FOXP1: variants seen among roughly 807,000 people sequenced by gnomAD.
FOXP1 encodes forkhead box P1, also known as forkhead box protein P1.
FOXP1 carries 15 observed loss-of-function variants against 98.2 expected under a neutral mutation model. The observed-to-expected ratio is 0.15, with a 90% CI of 0.10 to 0.24. The LOEUF (loss-of-function observed/expected upper bound fraction) is 0.24, where lower values mean the gene tolerates loss of function less well. Among genes scored for constraint, FOXP1 ranks in the 10% least tolerant of loss-of-function variants. The pLI is 1.00. For synonymous variants in FOXP1, 371 were observed against 314.5 expected (o/e 1.18, Z -1.90); for missense variants, 633 against 848.5 (o/e 0.75, Z 3.15).
At chr3:71,542,129 C>A in intron 2 of FOXP1, 1 of 455,404 alleles carries the variant, frequency 2.2e-6, no homozygotes. Context: ...AAATAATTTA[C>A]AAAATGGCTC....
At chr3:70,963,906 A>G (rs189582845) in intron 20 of FOXP1, among the ~76,000 whole-genome samples, 12 of 152,356 alleles carry the variant, frequency 7.9e-5, no homozygotes, top group Admixed American at 7.8e-4. Context: ...AATATTAGCT[A>G]GGCCGCCTTC....
At chr3:71,523,833 C>T (rs921354740) in intron 2 of FOXP1, among the ~76,000 whole-genome samples, 1 of 152,108 alleles carries the variant, frequency 6.6e-6, no homozygotes, top group Non-Finnish European at 1.5e-5. Context: ...TTAACTCCTT[C>T]TCTCACCCCC....
chr3:71,240,688 C>T (rs1478238707), intron 5 of FOXP1, among the ~76,000 whole-genome samples: 2 of 151,558 alleles, frequency 1.3e-5, no homozygotes, highest in African/African-American at 2.4e-5. Flanking sequence ...ATTACAGGCG[C>T]GTGCCACCAT....
intron 5 of FOXP1, among the ~76,000 whole-genome samples, chr3:71,223,555 T>G (rs927529767): frequency 5.3e-5 from 8 of 151,394 alleles, no homozygotes; most frequent in Non-Finnish European, 7.4e-5. Flanking sequence ...ATTAGCCGAG[T>G]GTAATGGCAG....
intron 1 of FOXP1, chr3:71,582,617 T>C (rs1247863515): frequency 4.1e-6 from 4 of 984,642 alleles, no homozygotes; most frequent in Non-Finnish European, 4.8e-6. Flanking sequence ...CAGAGGGGGG[T>C]AAAATCAGAA....
At chr3:71,574,519 T>G (rs920573454) in intron 2 of FOXP1, 3 of 152,172 alleles carry the variant, frequency 2.0e-5, no homozygotes, top group Non-Finnish European at 2.9e-5. Context: ...GTTTCTTTAT[T>G]TGTGTGGCAT....
Position 70,959,189 on chromosome 3 carries a change from T to TC in FOXP1, c.*57_*58insG. On this transcript the variant is annotated 3_prime_UTR_variant, in exon 21 of 21. Transcript: ENST00000649528. ...ACAATTTCACTGCTAACTTTTGACG[T>TC]GTTTTTTTTTTTTTCCTTTTTCCAA... 6.8e-7 allele frequency: 1 copy of TC among 1,464,082 alleles called. No homozygotes were observed. The highest frequency in any genetic ancestry group is 2.4e-5 in the East Asian group (1 of 42,012). The allele number at this position is 1,464,082 out of a possible 1,614,324, so 90.7% of individuals were successfully genotyped here.
In FOXP1 at chr3:71,214,880, G is replaced by A. The variant is rs138507473; in HGVS notation, c.-11-16488C>T. 6.1e-3 allele frequency among the ~76,000 whole-genome samples: 927 copies of A among 152,276 alleles called. 13 individuals are homozygous for A. Among genetic ancestry groups the A allele is most frequent in the African/African-American group, 0.022 (894 of 41,552 alleles). ...GTACAAGGGATCTGTCTCATGACAAGGGTTTCCAATAGAACCACATATACC... is the reference window on the plus strand; with the variant it reads ...GTACAAGGGATCTGTCTCATGACAAAGGTTTCCAATAGAACCACATATACC... On this transcript the variant is annotated intron_variant, in intron 5 of 20. Transcript: ENST00000649528.
At chr3:71,441,169 T>A (rs758101167) in intron 3 of FOXP1, among the ~76,000 whole-genome samples, 2 of 152,178 alleles carry the variant, frequency 1.3e-5, no homozygotes, top group Non-Finnish European at 2.9e-5. Context: ...TAAGGGTAAA[T>A]AACTTTGCAA....
At chr3:71,199,573 A>G (rs1576347188) in intron 5 of FOXP1, among the ~76,000 whole-genome samples, 1 of 151,082 alleles carries the variant, frequency 6.6e-6, no homozygotes, top group African/African-American at 2.5e-5. Context: ...CTAACAGTAG[A>G]AAAAAAGAAA....
chr3:71,040,905 A>T (rs950342243), intron 11 of FOXP1, among the ~76,000 whole-genome samples: 2 of 152,194 alleles, frequency 1.3e-5, no homozygotes, highest in African/African-American at 4.8e-5. Context: ...CAAGGGGAGC[A>T]ATGTAGAGTA....
intron 20 of FOXP1, among the ~76,000 whole-genome samples, chr3:70,963,714 GGT>G (rs2034104865): frequency 1.3e-5 from 2 of 152,160 alleles, no homozygotes; most frequent in African/African-American, 4.8e-5. Flanking sequence ...GTGTTCTGGG[GGT>G]GTCTGCACAG....
At chr3:71,128,657 G>A (rs2059381996) in intron 6 of FOXP1, among the ~76,000 whole-genome samples, 1 of 152,070 alleles carries the variant, frequency 6.6e-6, no homozygotes, top group Non-Finnish European at 1.5e-5. Context: ...AAGAGTCACT[G>A]GTTTGTCCAA....
At chr3:71,168,829 C>T (rs908087994) in intron 6 of FOXP1, among the ~76,000 whole-genome samples, 2 of 152,108 alleles carry the variant, frequency 1.3e-5, no homozygotes, top group Admixed American at 6.5e-5. Context: ...TCTATAGAAC[C>T]AAGGGGCCTA....
At chr3:71,081,532 T>C (rs1244620177) in intron 7 of FOXP1, among the ~76,000 whole-genome samples, 1 of 152,012 alleles carries the variant, frequency 6.6e-6, no homozygotes, top group Non-Finnish European at 1.5e-5. Flanking sequence ...AAGCATTCTT[T>C]CCATTGCTTC....
intron 3 of FOXP1, among the ~76,000 whole-genome samples, chr3:71,389,048 A>G (rs2080821673): frequency 6.6e-6 from 1 of 152,094 alleles, no homozygotes; most frequent in African/African-American, 2.4e-5. Context: ...TATCTCTATC[A>G]TTAGAAATTT....
intron 2 of FOXP1, among the ~76,000 whole-genome samples, chr3:71,502,065 G>A (rs2107198137): frequency 6.6e-6 from 1 of 152,292 alleles, no homozygotes; most frequent in African/African-American, 2.4e-5. Flanking sequence ...TCCCCCAGAA[G>A]CCCACTTGGC....
At chr3:71,184,434 G>A (rs978599623) in intron 6 of FOXP1, among the ~76,000 whole-genome samples, 9 of 152,196 alleles carry the variant, frequency 5.9e-5, no homozygotes, top group African/African-American at 2.2e-4. Context: ...TCTGTAGTTA[G>A]AAGAATTTCA....
At chr3:71,296,544 T>G (rs570728926) in intron 5 of FOXP1, 2 of 152,272 alleles carry the variant, frequency 1.3e-5, no homozygotes, top group East Asian at 3.9e-4. Context: ...CTATATACCC[T>G]AACTTATTTC....
Sources: allele counts gnomAD v4.1 joint callset (sites outside exome capture counted in the v4.1 genomes callset), GRCh38; gene constraint gnomAD v4.1.1; transcripts MANE v1.5; gene names NCBI Gene and HGNC (gene_info 2026-07-23, HGNC 2026-07-21).